The following PDGFD variants were observed in gnomAD, a reference collection of about 807,000 sequenced individuals.
The protein encoded by PDGFD is platelet-derived growth factor D.
In PDGFD, 30 loss-of-function variants were observed where a neutral mutation model predicts 44.7. That is an observed-to-expected ratio of 0.67 (90% CI 0.50 to 0.91). The LOEUF is 0.91. Ranked by LOEUF, PDGFD falls within the 40% of genes least tolerant of loss-of-function variation. PDGFD has a pLI of 0.00. For missense variants in PDGFD, 445 were observed against 457.8 expected (o/e 0.97, Z 0.25); for synonymous variants, 173 against 168.4 (o/e 1.03, Z -0.21).
chr11:104,054,630 G>T (rs1860594202), intron 1 of PDGFD, among the ~76,000 whole-genome samples: 1 of 152,184 alleles, frequency 6.6e-6, no homozygotes, highest in Non-Finnish European at 1.5e-5. Flanking sequence ...AATGAAGATG[G>T]TGGGGAATAG....
At chr11:103,954,515 G>C (rs762051472) in intron 3 of PDGFD, among the ~76,000 whole-genome samples, 2 of 152,158 alleles carry the variant, frequency 1.3e-5, no homozygotes, top group African/African-American at 2.4e-5. Context: ...ACTATTCATG[G>C]CTAGAGGGAT....
At chr11:103,993,398 T>C (rs1679081856) in intron 3 of PDGFD, among the ~76,000 whole-genome samples, 1 of 151,572 alleles carries the variant, frequency 6.6e-6, no homozygotes, top group Admixed American at 6.6e-5. Flanking sequence ...TTAAGGCTCA[T>C]ATTTTTCTTG....
At chr11:103,939,960 C>T (rs1464994293) in intron 5 of PDGFD, among the ~76,000 whole-genome samples, 1 of 152,088 alleles carries the variant, frequency 6.6e-6, no homozygotes, top group Non-Finnish European at 1.5e-5. Flanking sequence ...GAAGCTTTTA[C>T]AGACAAGTTT....
chr11:104,091,774 G>C (rs1385911357), intron 1 of PDGFD, among the ~76,000 whole-genome samples: 1 of 151,478 alleles, frequency 6.6e-6, no homozygotes, highest in African/African-American at 2.4e-5. Context: ...ATTTTGACTT[G>C]TTCCAAAATC....
At chr11:103,918,845 AG>A (rs1404671645) in intron 6 of PDGFD, among the ~76,000 whole-genome samples, 1 of 152,290 alleles carries the variant, frequency 6.6e-6, no homozygotes, top group Non-Finnish European at 1.5e-5. Context: ...GGCTGATTTG[AG>A]GGCATGTAGA....
intron 1 of PDGFD, among the ~76,000 whole-genome samples, chr11:104,134,309 C>A (rs552525056): frequency 1.3e-5 from 2 of 152,138 alleles, no homozygotes; most frequent in African/African-American, 2.4e-5. Flanking sequence ...TTTTTTCCAG[C>A]TGCTAAGTGT....
intron 1 of PDGFD, among the ~76,000 whole-genome samples, chr11:104,048,035 G>A (rs1328332890): frequency 6.6e-6 from 1 of 152,030 alleles, no homozygotes; most frequent in Non-Finnish European, 1.5e-5. Flanking sequence ...GCACACTTTT[G>A]AGAGAACTAT....
chr11:104,153,623 A>C (rs9633982), intron 1 of PDGFD, among the ~76,000 whole-genome samples: 67,542 of 151,886 alleles, frequency 0.44, 15,082 homozygotes, highest in East Asian at 0.61. Context: ...GGAAGAACAA[A>C]AACAAAAAGG....
chr11:104,037,083 T>G (rs1165091619), intron 1 of PDGFD: 5 of 1,614,058 alleles, frequency 3.1e-6, no homozygotes, highest in Admixed American at 3.3e-5. Context: ...CTCCAGGGCG[T>G]GCCCCGAACC....
At chr11:103,947,583 G>A in intron 4 of PDGFD, 79 bp downstream of exon 4, 1 of 1,049,026 alleles carries the variant, frequency 9.5e-7, no homozygotes, top group Non-Finnish European at 1.5e-6. Flanking sequence ...GGTCCTTAAT[G>A]CAGGTGAAGT....
chr11:104,103,438 A>G (rs1861425352), intron 1 of PDGFD, among the ~76,000 whole-genome samples: 1 of 137,434 alleles, frequency 7.3e-6, no homozygotes, highest in Non-Finnish European at 1.5e-5. Context: ...TCAAATAAAA[A>G]CAGACAATTA....
At chr11:104,035,907 C>T (rs1860224673) in intron 1 of PDGFD, among the ~76,000 whole-genome samples, 1 of 152,116 alleles carries the variant, frequency 6.6e-6, no homozygotes, top group Admixed American at 6.5e-5. Context: ...AAAGGCAGTA[C>T]CCTGAACATG....
chr11:103,952,432 T>C (rs1273875119), intron 3 of PDGFD, among the ~76,000 whole-genome samples: 2 of 152,316 alleles, frequency 1.3e-5, no homozygotes, highest in Middle Eastern at 3.4e-3. Context: ...GCTCCTGAAC[T>C]GTAGTATCTT....
At chr11:104,096,336 G>GA (rs775993019) in intron 1 of PDGFD, among the ~76,000 whole-genome samples, 34 of 151,518 alleles carry the variant, frequency 2.2e-4, no homozygotes, top group East Asian at 3.9e-4. Context: ...AGGAATGCTG[G>GA]AAAAAAAACA....
intron 1 of PDGFD, among the ~76,000 whole-genome samples, chr11:104,016,641 T>C (rs975849376): frequency 6.6e-6 from 1 of 152,218 alleles, no homozygotes; most frequent in African/African-American, 2.4e-5. Flanking sequence ...CTACTGGGTA[T>C]GTCTGTGTTT....
chr11:104,009,875 C>T (rs1859757236), intron 1 of PDGFD, among the ~76,000 whole-genome samples: 1 of 152,154 alleles, frequency 6.6e-6, no homozygotes, highest in Non-Finnish European at 1.5e-5. Flanking sequence ...CGCACTGAAG[C>T]TTGCAATCAA....
At chr11:103,953,308 T>C (rs887068328) in intron 3 of PDGFD, among the ~76,000 whole-genome samples, 2 of 152,080 alleles carry the variant, frequency 1.3e-5, no homozygotes, top group African/African-American at 4.8e-5. Context: ...AGGTAAACAG[T>C]TAACATCCTT....
rs1159764912 is a variant in PDGFD, at chr11:104,000,115, T to C, written c.265A>G (p.Thr89Ala). Residue 89 changes from threonine (T) to alanine (A), a missense_variant, in exon 2 of 7, where the codon ACA becomes GCA. Physicochemically the swap from Thr to Ala is moderately conservative, Grantham distance 58 (BLOSUM62 0). Coordinates refer to ENST00000393158, the MANE Select transcript of PDGFD (RefSeq NM_025208.5). Reference sequence around the variant, plus strand: ...TTGTCAAACACTAGCTGTATCCGTGTATTCTCCTGAGAGTGAAGCCGCCAT... The same window carrying C: ...TTGTCAAACACTAGCTGTATCCGTGCATTCTCCTGAGAGTGAAGCCGCCAT... ...LTWRLHSQEN[T>A]RIQLVFDNQF... 1 of 1,614,172 alleles carries C rather than the reference T, an allele frequency of 6.2e-7. No individual in the cohort carries two copies.
At chr11:104,117,619 C>T (rs1202716159) in intron 1 of PDGFD, among the ~76,000 whole-genome samples, 2 of 151,866 alleles carry the variant, frequency 1.3e-5, no homozygotes, top group African/African-American at 4.8e-5. Context: ...ATCAAGAACT[C>T]AACCCCTTTT....
Sources: gnomAD v4.1 joint callset for allele counts (sites outside exome capture counted in the v4.1 genomes callset) on GRCh38, gnomAD v4.1.1 for gene constraint, MANE v1.5 for transcripts, NCBI Gene and HGNC (gene_info 2026-07-23, HGNC 2026-07-21) for gene names.